KIAA0825: variants seen among roughly 807,000 people sequenced by gnomAD.
The protein encoded by KIAA0825 is uncharacterized protein KIAA0825.
KIAA0825 carries 119 observed loss-of-function variants against 147.6 expected under a neutral mutation model. The observed-to-expected ratio is 0.81, with a 90% CI of 0.69 to 0.94. KIAA0825 has a LOEUF of 0.94. Among genes scored for constraint, KIAA0825 ranks in the 40% least tolerant of loss-of-function variants. The pLI, the probability that KIAA0825 is intolerant of heterozygous loss-of-function variation, is 0.00. For missense variants in KIAA0825, 1,381 were observed against 1,472.7 expected, an observed-to-expected ratio of 0.94 and a Z score of 1.02; for synonymous variants, 470 against 518.1, an observed-to-expected ratio of 0.91 and a Z score of 1.26.
At chr5:94,579,428 A>C (rs987291535) in intron 2 of KIAA0825, among the ~76,000 whole-genome samples, 12 of 152,248 alleles carry the variant, frequency 7.9e-5, no homozygotes, top group African/African-American at 2.9e-4. Flanking sequence ...ATTGAAAAAT[A>C]TTAAAAGCAT....
At chr5:94,521,511 T>C (rs993821636) in intron 4 of KIAA0825, among the ~76,000 whole-genome samples, 2 of 151,760 alleles carry the variant, frequency 1.3e-5, no homozygotes, top group Non-Finnish European at 3.0e-5. Context: ...TAAATTCCTT[T>C]TTGAGAACTG....
At chr5:94,257,002 C>G (rs762346965) in intron 20 of KIAA0825, among the ~76,000 whole-genome samples, 70 of 151,794 alleles carry the variant, frequency 4.6e-4, no homozygotes, top group Non-Finnish European at 8.2e-4. Context: ...TTGTGGAATG[C>G]TCAAATAAAT....
intron 20 of KIAA0825, among the ~76,000 whole-genome samples, chr5:94,211,887 C>T (rs1583863995): frequency 6.6e-6 from 1 of 152,094 alleles, no homozygotes; most frequent in Non-Finnish European, 1.5e-5. Flanking sequence ...TTTATATATA[C>T]GTACATGAAT....
At chr5:94,380,500 G>T (rs1748249539) in intron 20 of KIAA0825, among the ~76,000 whole-genome samples, 1 of 152,204 alleles carries the variant, frequency 6.6e-6, no homozygotes, top group Admixed American at 6.5e-5. Flanking sequence ...CAAACAAGGT[G>T]CTATTCTTAT....
At chr5:94,517,405 CAGAT>C (rs965229096) in intron 5 of KIAA0825, among the ~76,000 whole-genome samples, 24 of 151,930 alleles carry the variant, frequency 1.6e-4, no homozygotes, top group East Asian at 7.7e-4. Flanking sequence ...TCACATTAGA[CAGAT>C]AGATAGATAG....
intron 5 of KIAA0825, among the ~76,000 whole-genome samples, chr5:94,490,121 G>A (rs1288142339): frequency 6.6e-6 from 1 of 152,064 alleles, no homozygotes; most frequent in African/African-American, 2.4e-5. Flanking sequence ...AATAGTTGAA[G>A]TTCCTTAGAC....
intron 20 of KIAA0825, among the ~76,000 whole-genome samples, chr5:94,356,725 C>CTTTTGTTTTTTTTTTTTTTTTTT (rs1784312043): frequency 8.6e-6 from 1 of 116,738 alleles, no homozygotes; most frequent in Non-Finnish European, 1.7e-5. Context: ...AACTTGATTT[C>CTTTTGTTTTTTTTTTTTTTTTTT]TTTTTTTTTT....
intron 6 of KIAA0825, 82 bp downstream of exon 6, chr5:94,484,687 T>C: frequency 1.1e-6 from 1 of 915,618 alleles, no homozygotes; most frequent in Non-Finnish European, 1.6e-6. Context: ...TTTTTTCAAG[T>C]AATCGTTTTC....
intron 20 of KIAA0825, among the ~76,000 whole-genome samples, chr5:94,242,278 C>T (rs1775384684): frequency 6.6e-6 from 1 of 152,212 alleles, no homozygotes; most frequent in African/African-American, 2.4e-5. Flanking sequence ...TTACTAAATC[C>T]TGCAGTCTGC....
chr5:94,284,140 A>G (rs1457456937), intron 20 of KIAA0825, among the ~76,000 whole-genome samples: 1 of 152,152 alleles, frequency 6.6e-6, no homozygotes, highest in Admixed American at 6.6e-5. Flanking sequence ...TGCCTAACTA[A>G]TGATGTTAAT....
chr5:94,602,003 T>G (rs1251978175), intron 1 of KIAA0825, among the ~76,000 whole-genome samples: 1 of 152,158 alleles, frequency 6.6e-6, no homozygotes, highest in African/African-American at 2.4e-5. Flanking sequence ...TCCACAACCT[T>G]GCTAGATAGG....
chr5:94,191,615 C>CA, intron 20 of KIAA0825, among the ~76,000 whole-genome samples: 1 of 152,076 alleles, frequency 6.6e-6, no homozygotes, highest in East Asian at 1.9e-4. Flanking sequence ...TTAAATCAAA[C>CA]AAAAAAAGTT....
chr5:94,603,015 G>C (rs914769223), intron 1 of KIAA0825, among the ~76,000 whole-genome samples: 1 of 152,040 alleles, frequency 6.6e-6, no homozygotes, highest in African/African-American at 2.4e-5. Context: ...TTTTAGTAGA[G>C]ATGGGGTTTC....
intron 20 of KIAA0825, among the ~76,000 whole-genome samples, chr5:94,224,840 T>G (rs1361316417): frequency 6.6e-6 from 1 of 152,158 alleles, no homozygotes; most frequent in Non-Finnish European, 1.5e-5. Context: ...CTAATCTTGA[T>G]CCCTCTTTTC....
chr5:94,483,282 C>T (rs1459413832), intron 6 of KIAA0825, among the ~76,000 whole-genome samples: 3 of 151,914 alleles, frequency 2.0e-5, no homozygotes, highest in Non-Finnish European at 4.4e-5. Flanking sequence ...AGGACTAATA[C>T]AAGATGATTC....
chr5:94,453,189 T>G, intron 12 of KIAA0825, 120 bp from the exon 13 acceptor site: 1 of 631,778 alleles, frequency 1.6e-6, no homozygotes, highest in East Asian at 3.3e-5. Context: ...TTTCTTTGTT[T>G]GGAGACAGAG....
chr5:94,578,156 G>A (rs1184619096), intron 2 of KIAA0825, among the ~76,000 whole-genome samples: 1 of 152,200 alleles, frequency 6.6e-6, no homozygotes, highest in Non-Finnish European at 1.5e-5. Context: ...AGATAGCCAA[G>A]AAGTATGAGA....
At chr5:94,327,035 C>T (rs1780764710) in intron 20 of KIAA0825, among the ~76,000 whole-genome samples, 1 of 152,122 alleles carries the variant, frequency 6.6e-6, no homozygotes, top group African/African-American at 2.4e-5. Flanking sequence ...AAGAATTATG[C>T]TAAGTGGTCT....
intron 11 of KIAA0825, 105 bp from the exon 12 acceptor site, chr5:94,462,674 G>T (rs1759982122): frequency 3.6e-6 from 2 of 561,474 alleles, no homozygotes; most frequent in African/African-American, 1.9e-5. Context: ...AAGAATAGAA[G>T]AATTCAGTTA....
Sources: allele counts gnomAD v4.1 joint callset (sites outside exome capture counted in the v4.1 genomes callset), GRCh38; gene constraint gnomAD v4.1.1; transcripts MANE v1.5; gene names NCBI Gene and HGNC (gene_info 2026-07-23, HGNC 2026-07-21).